Variants in LRBA observed in about 807,000 individuals in gnomAD.
The protein encoded by LRBA is lipopolysaccharide-responsive and beige-like anchor protein.
LRBA carries 176 observed loss-of-function variants against 330.0 expected under a neutral mutation model. The observed-to-expected ratio is 0.53, with a 90% confidence interval of 0.47 to 0.60. The LOEUF (loss-of-function observed/expected upper bound fraction) is 0.60, where lower values mean the gene tolerates loss of function less well. Ranked by LOEUF, LRBA falls within the 20% of genes least tolerant of loss-of-function variation. The pLI is 0.00. For synonymous variants in LRBA, 1,230 were observed against 1,193.0 expected, an observed-to-expected ratio of 1.03 and a Z score of -0.64; for missense variants, 3,259 against 3,444.8, an observed-to-expected ratio of 0.95 and a Z score of 1.35.
intron 52 of LRBA, among the ~76,000 whole-genome samples, chr4:150,304,513 T>C (rs914851122): frequency 1.3e-5 from 2 of 151,970 alleles, no homozygotes; most frequent in Non-Finnish European, 2.9e-5. Flanking sequence ...TTTTCTCCTG[T>C]GATTAAGGGA....
At chr4:150,749,265 A>G (rs538150724) in intron 35 of LRBA, among the ~76,000 whole-genome samples, 2 of 152,212 alleles carry the variant, frequency 1.3e-5, no homozygotes, top group South Asian at 4.1e-4. Flanking sequence ...AAATAGATAA[A>G]CTGGACTACA....
rs1738029767 is a variant in LRBA, at chr4:150,357,535, A to T, written c.7195-7376T>A. Among the ~76,000 whole-genome samples, 4 of 152,018 alleles carry T rather than the reference A, an allele frequency of 2.6e-5. No individual in the cohort carries two copies. In the South Asian group the frequency reaches 8.3e-4, roughly 31 times the overall value. ...ACTATTTTCTTTAGAACTACAGAAC[A>T]TTAAAACATTTAATTAACATTTCAA... is the stretch of plus-strand genomic sequence containing the variant. On this transcript the variant is annotated intron_variant, in intron 47 of 56. Transcript: ENST00000651943.
At chr4:150,467,606 C>A in intron 44 of LRBA, 67 bp downstream of exon 44, 4 of 986,672 alleles carry the variant, frequency 4.1e-6, no homozygotes, top group Non-Finnish European at 6.1e-6. Context: ...AGTAAAATAA[C>A]GAAAGACAAT....
At chr4:150,419,822 GA>G (rs1554021743) in intron 46 of LRBA, among the ~76,000 whole-genome samples, 2 of 151,000 alleles carry the variant, frequency 1.3e-5, no homozygotes, top group Non-Finnish European at 3.0e-5. Context: ...ATTTTTAGTA[GA>G]GACGGGGTTT....
At chr4:151,012,947 T>A (rs1745020237) in intron 2 of LRBA, 1 of 152,008 alleles carries the variant, frequency 6.6e-6, no homozygotes, top group Non-Finnish European at 1.5e-5. Flanking sequence ...GTATTTTTAG[T>A]AGAGATGGGG....
chr4:150,987,571 T>C (rs1350735314), intron 2 of LRBA, among the ~76,000 whole-genome samples: 1 of 151,836 alleles, frequency 6.6e-6, no homozygotes, highest in Non-Finnish European at 1.5e-5. Context: ...CCAGGCATGG[T>C]GGCAGGCACC....
intron 2 of LRBA, among the ~76,000 whole-genome samples, chr4:150,986,955 A>T (rs928682199): frequency 6.6e-6 from 1 of 152,254 alleles, no homozygotes; most frequent in Non-Finnish European, 1.5e-5. Context: ...AGGATATTCC[A>T]TTCGACCAAC....
At chr4:150,673,943 T>C (rs1385023802) in intron 37 of LRBA, among the ~76,000 whole-genome samples, 1 of 152,152 alleles carries the variant, frequency 6.6e-6, no homozygotes, top group East Asian at 1.9e-4. Flanking sequence ...GAGTCATATA[T>C]TATGATTTAA....
chr4:150,566,536 T>A (rs1769158277), intron 40 of LRBA, among the ~76,000 whole-genome samples: 1 of 152,124 alleles, frequency 6.6e-6, no homozygotes, highest in Non-Finnish European at 1.5e-5. Context: ...CAGACTTTCT[T>A]TTAATTATAG....
chr4:150,310,291 T>C lies in LRBA; in HGVS notation c.7787A>G (p.Asn2596Ser). The change falls in exon 52 of 57, where the codon AAC (asparagine) becomes AGC (serine). Residue 2596 changes from asparagine (N) to serine (S), a missense_variant. Coordinates refer to ENST00000651943, the MANE Select transcript of LRBA (RefSeq NM_001364905.1). ...GAAGCCACAGACGAGAATATAGCGG[T>C]TGTCTGAAGTGATGACAAAGCACTG... ...HSQCFVITSD[N>S]RYILVCGFWD... is the part of the protein sequence containing the mutation. 6.2e-7 allele frequency: 1 copy of C among 1,612,532 alleles called. No individual in the cohort carries two copies. Among genetic ancestry groups the C allele is most frequent in the Non-Finnish European group, 8.5e-7 (1 of 1,178,766 alleles).
At position 150,454,364 on chromosome 4, in the gene LRBA, T is replaced by C. The variant is rs577081355; in HGVS notation, c.6780+13309A>G. Reference sequence around the variant, plus strand: ...AAACTGGGACAGAATTCTAAAAAGATGCCCTAAAGAAGGCAATATCTCAAG... The same window carrying C: ...AAACTGGGACAGAATTCTAAAAAGACGCCCTAAAGAAGGCAATATCTCAAG... On this transcript the variant is annotated intron_variant, in intron 44 of 56. Transcript: ENST00000651943. 3.9e-5 allele frequency among the ~76,000 whole-genome samples: 6 copies of C among 152,208 alleles called. No homozygotes were observed. In the South Asian group the frequency reaches 1.0e-3, roughly 26 times the overall value.
chr4:150,731,576 G>C (rs1730463914), intron 36 of LRBA, among the ~76,000 whole-genome samples: 1 of 152,146 alleles, frequency 6.6e-6, no homozygotes, highest in Admixed American at 6.5e-5. Flanking sequence ...TCACTTATTT[G>C]TGGGATCTAA....
At chr4:150,355,304 T>G (rs1460383237) in intron 47 of LRBA, among the ~76,000 whole-genome samples, 2 of 152,078 alleles carry the variant, frequency 1.3e-5, no homozygotes, top group African/African-American at 4.8e-5. Flanking sequence ...AGGAAATTAT[T>G]AGATAATTGT....
intron 37 of LRBA, among the ~76,000 whole-genome samples, chr4:150,661,288 T>C (rs972712883): frequency 6.6e-6 from 1 of 151,244 alleles, no homozygotes; most frequent in African/African-American, 2.4e-5. Context: ...CCGGGCAACA[T>C]GGTAAGACCC....
intron 37 of LRBA, among the ~76,000 whole-genome samples, chr4:150,614,712 A>G (rs559060077): frequency 5.8e-4 from 89 of 152,208 alleles, no homozygotes; most frequent in Non-Finnish European, 1.2e-3. Context: ...ATGAAAAAAG[A>G]ACATAGGAAA....
At chr4:150,411,697 G>A (rs915419056) in intron 47 of LRBA, among the ~76,000 whole-genome samples, 4 of 152,152 alleles carry the variant, frequency 2.6e-5, no homozygotes, top group Non-Finnish European at 5.9e-5. Flanking sequence ...GCAGAAACCT[G>A]CCAACAGAGG....
rs1374349595 is a variant in LRBA, at chr4:150,849,644, G to T, written c.4005-69C>A. The T allele has an allele frequency of 1.4e-5, 18 of 1,278,292 alleles. 1 individual carries two copies. The South Asian group carries it at 1.4e-4, about 10-fold the overall frequency. 79.2% of individuals were successfully genotyped at this position (1,278,292 alleles called of 1,614,324 possible). A position where few individuals can be genotyped will look rare whatever the true frequency, so the allele number is the denominator to read the frequency against. ...GAAATCACAGTTTGCCTACTTGAGG[G>T]GAGGAAAGATAAGAAGGTGCTTTTG... On this transcript the variant is annotated intron_variant, in intron 24 of 56. Transcript: ENST00000651943.
In LRBA at chr4:150,310,364, T is replaced by C; in HGVS notation, c.7714A>G (p.Arg2572Gly). The C allele has an allele frequency of 1.9e-6, 3 of 1,613,284 alleles. No individual in the cohort carries two copies. The highest frequency in any genetic ancestry group is 1.3e-5 in the African/African-American group (1 of 75,010). ...TCTAAAAGGTCAGTGATTTGCCTCC[T>C]GTGCATTCCTGTATTGCTGGCTGTA... ...PLIASNTGMH[R>G]RQITDLLDQS... The change falls in exon 52 of 57, where the codon AGG becomes GGG. Residue 2572 changes from arginine to glycine, a missense_variant. Transcript: ENST00000651943.
chr4:150,737,605 G>A (rs1365150574), intron 35 of LRBA, among the ~76,000 whole-genome samples: 3 of 151,900 alleles, frequency 2.0e-5, no homozygotes, highest in Non-Finnish European at 2.9e-5. Flanking sequence ...TCAATAATGA[G>A]ATTTAAAGGG....
Sources: allele counts gnomAD v4.1 joint callset (sites outside exome capture counted in the v4.1 genomes callset), GRCh38; gene constraint gnomAD v4.1.1; transcripts MANE v1.5; gene names NCBI Gene and HGNC (gene_info 2026-07-23, HGNC 2026-07-21).